SORCS3: variants seen among roughly 807,000 people sequenced by gnomAD.
SORCS3 encodes the protein VPS10 domain-containing receptor SorCS3.
A neutral mutation model predicts 146.3 loss-of-function variants in SORCS3; 57 were observed. The ratio of observed to expected loss-of-function variants is 0.39; its 90% CI spans 0.31 to 0.49. The LOEUF is 0.49. SORCS3 is among the 20% of genes least tolerant of loss of function. The pLI is 0.92. For synonymous variants in SORCS3, 653 were observed against 618.5 expected (o/e 1.06, Z -0.83); for missense variants, 1,341 against 1,575.5 (o/e 0.85, Z 2.52).
intron 5 of SORCS3, among the ~76,000 whole-genome samples, chr10:105,088,877 G>C (rs2055681905): frequency 6.6e-6 from 1 of 152,182 alleles, no homozygotes. Context: ...CTGAAGACTG[G>C]AAAACCAGAA....
intron 1 of SORCS3, among the ~76,000 whole-genome samples, chr10:104,834,214 G>C (rs2018039640): frequency 6.6e-6 from 1 of 152,050 alleles, no homozygotes; most frequent in South Asian, 2.1e-4. Context: ...ACAGCAACCA[G>C]AGTGATCTTG....
intron 11 of SORCS3, among the ~76,000 whole-genome samples, chr10:105,162,559 C>T (rs557447454): frequency 6.6e-6 from 1 of 152,252 alleles, no homozygotes; most frequent in South Asian, 2.1e-4. Context: ...CTTTTCTGTC[C>T]CTTCATCTGG....
chr10:104,667,085 G>A (rs1168900237), intron 1 of SORCS3, among the ~76,000 whole-genome samples: 4 of 152,154 alleles, frequency 2.6e-5, no homozygotes, highest in African/African-American at 9.7e-5. Flanking sequence ...ATTGTGGTAG[G>A]TGTCATGAAG....
intron 20 of SORCS3, among the ~76,000 whole-genome samples, chr10:105,236,785 T>C (rs1589702674): frequency 6.6e-6 from 1 of 152,316 alleles, no homozygotes; most frequent in South Asian, 2.1e-4. Context: ...ATTATCTGTG[T>C]TAAATTGAAT....
chr10:104,648,058 T>C (rs1193141190), intron 1 of SORCS3, among the ~76,000 whole-genome samples: 11 of 152,218 alleles, frequency 7.2e-5, no homozygotes, highest in Non-Finnish European at 1.6e-4. Context: ...AGACTGCTCT[T>C]CTGTAAAGTT....
chr10:104,664,069 C>A (rs1010994336), intron 1 of SORCS3, among the ~76,000 whole-genome samples: 1 of 152,122 alleles, frequency 6.6e-6, no homozygotes, highest in Admixed American at 6.5e-5. Flanking sequence ...TTGGGAAGAG[C>A]TTTGCTGGTT....
chr10:104,861,605 T>A (rs2018403991), intron 2 of SORCS3, among the ~76,000 whole-genome samples: 1 of 152,214 alleles, frequency 6.6e-6, no homozygotes. Flanking sequence ...CCCCCGAGCC[T>A]ACTTCTTTGG....
At chr10:105,019,700 C>T (rs538880054) in intron 4 of SORCS3, among the ~76,000 whole-genome samples, 147 of 152,158 alleles carry the variant, frequency 9.7e-4, no homozygotes, top group Non-Finnish European at 1.5e-3. Flanking sequence ...AATTATTCTA[C>T]CCTGTTCCAT....
At chr10:105,099,300 C>T (rs375314880) in intron 6 of SORCS3, among the ~76,000 whole-genome samples, 6 of 152,146 alleles carry the variant, frequency 3.9e-5, no homozygotes, top group African/African-American at 1.4e-4. Flanking sequence ...GCTGAATTTG[C>T]TTTTTGTTCA....
At chr10:104,950,496 T>C (rs2019417348) in intron 3 of SORCS3, among the ~76,000 whole-genome samples, 1 of 152,198 alleles carries the variant, frequency 6.6e-6, no homozygotes. Flanking sequence ...GATTTCTTAG[T>C]TTACAGCTTG....
intron 3 of SORCS3, among the ~76,000 whole-genome samples, chr10:104,945,414 C>T (rs764509414): frequency 1.3e-5 from 2 of 151,768 alleles, no homozygotes; most frequent in Admixed American, 6.6e-5. Flanking sequence ...TGCACCACCA[C>T]CCCTAGCTAA....
chr10:104,947,573 A>C (rs2019385645), intron 3 of SORCS3, among the ~76,000 whole-genome samples: 1 of 152,124 alleles, frequency 6.6e-6, no homozygotes, highest in Non-Finnish European at 1.5e-5. Context: ...AGTACTTACA[A>C]GGGCCTGCTT....
At chr10:105,162,240 C>G (rs966697669) in intron 11 of SORCS3, among the ~76,000 whole-genome samples, 5 of 152,128 alleles carry the variant, frequency 3.3e-5, no homozygotes, top group African/African-American at 9.7e-5. Flanking sequence ...TTAAAACTTC[C>G]AAAAAGGGCA....
At chr10:105,229,941 A>G (rs1034493577) in intron 20 of SORCS3, among the ~76,000 whole-genome samples, 2 of 152,236 alleles carry the variant, frequency 1.3e-5, no homozygotes, top group Admixed American at 1.3e-4. Context: ...CAATGGCAGG[A>G]TAACCCTCTG....
intron 20 of SORCS3, among the ~76,000 whole-genome samples, chr10:105,228,373 TTTTC>T (rs949191603): frequency 2.6e-5 from 4 of 151,448 alleles, no homozygotes; most frequent in East Asian, 1.9e-4. Context: ...TCTTTCTCTC[TTTTC>T]TTTCTTTCTC....
At position 105,014,491 on chromosome 10, in the gene SORCS3, A is replaced by G. The variant is rs181757027; in HGVS notation, c.955-28564A>G. Among the ~76,000 whole-genome samples the G allele has an allele frequency of 2.6e-5, 4 of 152,306 alleles. No individual in the cohort carries two copies. The South Asian group carries it at 6.2e-4, about 24-fold the overall frequency. On this transcript the variant is annotated intron_variant, in intron 4 of 26. Coordinates refer to ENST00000369701, the MANE Select transcript of SORCS3 (RefSeq NM_014978.3). The stretch of plus-strand genomic sequence containing the variant: ...GATTCCAAAAATGGTATGTGAAAAG[A>G]TAAGCCATAAGCTTGGAAAAGATTC...
intron 1 of SORCS3, among the ~76,000 whole-genome samples, chr10:104,657,019 T>C (rs2015640571): frequency 6.6e-6 from 1 of 152,248 alleles, no homozygotes; most frequent in African/African-American, 2.4e-5. Context: ...ACTTTTGGTT[T>C]GGCCTTGTGA....
intron 4 of SORCS3, among the ~76,000 whole-genome samples, chr10:105,039,607 C>T (rs541654842): frequency 6.6e-6 from 1 of 152,094 alleles, no homozygotes; most frequent in East Asian, 1.9e-4. Context: ...CAAGCACCTG[C>T]TGCCATGCCC....
At position 104,761,009 on chromosome 10, in the gene SORCS3, T is replaced by C. The variant is rs1018228327; in HGVS notation, c.628-81783T>C. Among the ~76,000 whole-genome samples the C allele has an allele frequency of 3.9e-5, 6 of 152,258 alleles. No homozygotes were observed. In the Middle Eastern group the frequency reaches 0.02, roughly 518 times the overall value. ...AATGGTTAAAATTCAAAAACAGATC[T>C]GGTGCTTAAGGATAAGCTTCATTTA... is the stretch of plus-strand genomic sequence containing the variant. On this transcript the variant is annotated intron_variant, in intron 1 of 26. Coordinates refer to ENST00000369701, the MANE Select transcript of SORCS3 (RefSeq NM_014978.3).
Sources: allele counts gnomAD v4.1 joint callset (sites outside exome capture counted in the v4.1 genomes callset), GRCh38; gene constraint gnomAD v4.1.1; transcripts MANE v1.5; gene names NCBI Gene and HGNC (gene_info 2026-07-23, HGNC 2026-07-21).